The following ACBD5 variants were observed in gnomAD, a reference collection of about 807,000 sequenced individuals.
The protein encoded by ACBD5 is acyl-CoA binding domain containing 5, also known as acyl-CoA-binding domain-containing protein 5.
In ACBD5, 40 loss-of-function variants were observed where a neutral mutation model predicts 71.8. The ratio of observed to expected loss-of-function variants is 0.56; its 90% CI spans 0.43 to 0.72. ACBD5 has a LOEUF of 0.72. ACBD5 is among the 30% of genes least tolerant of loss of function. The pLI, the probability that ACBD5 is intolerant of heterozygous loss-of-function variation, is 0.00. For synonymous variants in ACBD5, 229 were observed against 218.6 expected (o/e 1.05, Z -0.42); for missense variants, 559 against 644.5 (o/e 0.87, Z 1.44).
At chr10:27,240,969 G>A, upstream of ACBD5, 2 of 590,220 alleles carry the variant, frequency 3.4e-6, no homozygotes, top group South Asian at 4.0e-5. This position sits in a 1 kb window ranked among gnomAD's most constrained non-coding sequence, Gnocchi z 4.1. Flanking sequence ...GGGGAAAGGG[G>A]GCCACAGTCC....
At position 27,189,782 on chromosome 10, in the gene ACBD5, A is replaced by G. The variant is rs57555757; in HGVS notation, c.1494-7067T>C. ...AAGTATAATAAAAATATATATATAT[A>G]TATATAAATAAACTTTTGTTTTCAC... is the stretch of plus-strand genomic sequence containing the variant. On this transcript the variant is annotated intron_variant, in intron 13 of 13. Transcript: ENST00000676511. 7.8e-4 allele frequency among the ~76,000 whole-genome samples: 97 copies of G among 124,834 alleles called. 2 individuals carry two copies. The South Asian group carries it at 9.4e-3, about 12-fold the overall frequency. The allele number at this position is 124,834 out of a possible 152,430, so 81.9% of individuals were successfully genotyped here.
chr10:27,185,789 A>C (rs1045934443), intron 13 of ACBD5, among the ~76,000 whole-genome samples: 2 of 150,184 alleles, frequency 1.3e-5, no homozygotes, highest in African/African-American at 4.9e-5. Context: ...TCCATTTCAA[A>C]AAAAAAAAAA....
At chr10:27,219,602 G>A in intron 6 of ACBD5, 121 bp downstream of exon 6, 1 of 1,363,046 alleles carries the variant, frequency 7.3e-7, no homozygotes, top group East Asian at 2.4e-5. Flanking sequence ...TTGTTTATAA[G>A]GTCAACAGCT....
At chr10:27,222,265 T>C (rs1430608483) in intron 5 of ACBD5, among the ~76,000 whole-genome samples, 3 of 152,188 alleles carry the variant, frequency 2.0e-5, no homozygotes, top group East Asian at 1.9e-4. Flanking sequence ...AAATTGACTC[T>C]TGTGGTCTCA....
chr10:27,186,504 C>G (rs369916275), intron 13 of ACBD5: 1 of 1,613,962 alleles, frequency 6.2e-7, no homozygotes, highest in Non-Finnish European at 8.5e-7. Flanking sequence ...GAATACTGCT[C>G]AGCACCTGAC....
At chr10:27,238,503 A>T (rs7914155) in intron 2 of ACBD5, among the ~76,000 whole-genome samples, 118,063 of 152,186 alleles carry the variant, frequency 0.78, 46,054 homozygotes, top group African/African-American at 0.86. Flanking sequence ...TTCTATAAAC[A>T]CTAATAATTA....
intron 8 of ACBD5, among the ~76,000 whole-genome samples, chr10:27,215,110 C>T (rs1390744146): frequency 2.6e-5 from 4 of 151,900 alleles, no homozygotes; most frequent in Non-Finnish European, 4.4e-5. Context: ...GTTGCAGTGA[C>T]CCGAGATTGC....
intron 2 of ACBD5, among the ~76,000 whole-genome samples, chr10:27,238,502 C>G (rs2065047189): frequency 6.6e-6 from 1 of 152,158 alleles, no homozygotes; most frequent in African/African-American, 2.4e-5. Context: ...TTTCTATAAA[C>G]ACTAATAATT....
chr10:27,231,857 A>T, intron 3 of ACBD5, 37 bp from the exon 4 acceptor site: 1 of 1,579,466 alleles, frequency 6.3e-7, no homozygotes, highest in Non-Finnish European at 8.7e-7. Flanking sequence ...ACAAAGAGAC[A>T]TCTGATTTTA....
chr10:27,184,562 T>C (rs1485778421), intron 13 of ACBD5, among the ~76,000 whole-genome samples: 1 of 134,774 alleles, frequency 7.4e-6, no homozygotes, highest in African/African-American at 2.8e-5. Context: ...GGATTTTTTT[T>C]TTTTTTTTTT....
At chr10:27,213,484 G>A (rs563147983) in intron 8 of ACBD5, among the ~76,000 whole-genome samples, 4 of 152,260 alleles carry the variant, frequency 2.6e-5, no homozygotes, top group South Asian at 2.1e-4. Context: ...CAAGCCGGGC[G>A]TGGTGGCTCA....
intron 10 of ACBD5, 102 bp from the exon 11 acceptor site, chr10:27,205,350 T>A: frequency 8.6e-7 from 1 of 1,168,334 alleles, no homozygotes; most frequent in Admixed American, 1.7e-5. Context: ...TTGAGGTTTT[T>A]TTTGGTTGCT....
chr10:27,197,425 T>C lies in ACBD5; in HGVS notation c.*5A>G. On this transcript the variant is annotated 3_prime_UTR_variant, in exon 13 of 13. Transcript: ENST00000396271. ...GTAGTCTTCTTGAGGAAAACACCAT[T>C]TTCCTCAGTTCAGTTTTCTTTAAAA... is the stretch of plus-strand genomic sequence containing the variant. 6.2e-7 allele frequency: 1 copy of C among 1,610,220 alleles called. No homozygotes were observed. Among genetic ancestry groups the C allele is most frequent in the Non-Finnish European group, 8.5e-7 (1 of 1,177,508 alleles).
At chr10:27,231,625 A>G (rs1026452162) in intron 4 of ACBD5, 123 bp downstream of exon 4, 5 of 847,268 alleles carry the variant, frequency 5.9e-6, no homozygotes, top group African/African-American at 5.1e-5. Context: ...AAATCCAATA[A>G]TCTAGATTCT....
intron 9 of ACBD5, 69 bp downstream of exon 9, chr10:27,210,745 G>A (rs1441856069): frequency 1.7e-5 from 27 of 1,604,416 alleles, no homozygotes; most frequent in Middle Eastern, 1.7e-4. Flanking sequence ...GCGACAGAGC[G>A]CGAGACTCCA....
At chr10:27,215,426 A>G (rs775441212) in intron 8 of ACBD5, 109 bp downstream of exon 8, 2 of 743,108 alleles carry the variant, frequency 2.7e-6, no homozygotes, top group African/African-American at 3.5e-5. Context: ...TTTTAGGAGT[A>G]TCTTTTCAAA....
upstream of ACBD5, chr10:27,240,870 C>A: frequency 1.1e-6 from 1 of 888,998 alleles, no homozygotes; most frequent in South Asian, 1.6e-5. The surrounding 1 kb of genome is among the most constrained non-coding windows in gnomAD (Gnocchi z 4.1). Context: ...GCCGCCGCAG[C>A]AGCAGTGCAG....
chr10:27,198,104 T>C (rs2059540020), intron 12 of ACBD5, among the ~76,000 whole-genome samples: 1 of 152,242 alleles, frequency 6.6e-6, no homozygotes, highest in South Asian at 2.1e-4. Context: ...TGTAAGAGGA[T>C]AATAGATGTA....
chr10:27,239,140 T>G (rs1307822521), intron 2 of ACBD5, among the ~76,000 whole-genome samples: 3 of 152,168 alleles, frequency 2.0e-5, no homozygotes, highest in African/African-American at 7.2e-5. Flanking sequence ...GGGGTTGAGG[T>G]GAGCTGAGAT....
Sources: gnomAD v4.1 joint callset for allele counts (sites outside exome capture counted in the v4.1 genomes callset) on GRCh38, gnomAD v4.1.1 for gene constraint, Gnocchi (gnomAD v3.1) non-coding constraint, MANE v1.5 for transcripts, NCBI Gene and HGNC (gene_info 2026-07-23, HGNC 2026-07-21) for gene names.